NTM: variants seen among roughly 807,000 people sequenced by gnomAD.
NTM encodes neurotrimin, also known as IgLON family member 2.
NTM carries 13 observed loss-of-function variants against 42.1 expected under a neutral mutation model. That is an observed-to-expected ratio of 0.31 (90% CI 0.20 to 0.49). The LOEUF is 0.49. Among genes scored for constraint, NTM ranks in the 20% least tolerant of loss-of-function variants. The probability of loss-of-function intolerance (pLI) is 0.99; values close to 1 mark genes in which losing one functional copy is unlikely to be tolerated. For synonymous variants in NTM, 187 were observed against 179.2 expected (o/e 1.04, Z -0.35); for missense variants, 373 against 452.8 (o/e 0.82, Z 1.60).
intron 4 of NTM, among the ~76,000 whole-genome samples, chr11:132,271,954 C>A (rs1446268781): frequency 6.6e-6 from 1 of 151,962 alleles, no homozygotes; most frequent in Non-Finnish European, 1.5e-5. Flanking sequence ...CAAATCATTT[C>A]CATAGGAAAC....
chr11:132,251,492 C>T (rs3099797), intron 4 of NTM, among the ~76,000 whole-genome samples: 51,985 of 152,080 alleles, frequency 0.34, 9,711 homozygotes, highest in Middle Eastern at 0.5. Flanking sequence ...GTTTAAACCA[C>T]ATCGCACATC....
intron 4 of NTM, among the ~76,000 whole-genome samples, chr11:132,256,434 C>T (rs555195404): frequency 4.6e-5 from 7 of 152,288 alleles, no homozygotes; most frequent in South Asian, 2.1e-4. Flanking sequence ...TTGCACTGTT[C>T]GGCCTCTGCA....
At chr11:132,298,711 CA>C (rs571762200) in intron 4 of NTM, among the ~76,000 whole-genome samples, 28 of 151,240 alleles carry the variant, frequency 1.9e-4, no homozygotes, top group Admixed American at 3.9e-4. Flanking sequence ...ATTTCCCTAT[CA>C]AAAAAAAATT....
At chr11:131,913,324 T>C (rs1047226444) in intron 2 of NTM, among the ~76,000 whole-genome samples, 2 of 148,134 alleles carry the variant, frequency 1.4e-5, no homozygotes, top group Non-Finnish European at 3.0e-5. Flanking sequence ...ATTTTAGATA[T>C]AAATGGGATT....
chr11:132,050,179 G>T (rs1485175176), intron 2 of NTM, among the ~76,000 whole-genome samples: 1 of 152,258 alleles, frequency 6.6e-6, no homozygotes, highest in South Asian at 2.1e-4. Flanking sequence ...AGGTAGGAGG[G>T]ATGAGCTTCT....
intron 2 of NTM, among the ~76,000 whole-genome samples, chr11:131,968,485 C>G (rs547672168): frequency 1.3e-5 from 2 of 152,136 alleles, no homozygotes; most frequent in African/African-American, 2.4e-5. Context: ...TTCTTCCAAT[C>G]GTACCCAGCA....
chr11:132,314,220 GTGAATCGTATTGCTC>G (rs2095363056), intron 6 of NTM, among the ~76,000 whole-genome samples: 1 of 152,036 alleles, frequency 6.6e-6, no homozygotes, highest in South Asian at 2.1e-4. Context: ...CACCTACTGT[GTGAATCGTATTGCTC>G]TGAATGCCAC....
chr11:131,529,110 C>G (rs2050892444), intron 1 of NTM, among the ~76,000 whole-genome samples: 1 of 152,184 alleles, frequency 6.6e-6, no homozygotes, highest in African/African-American at 2.4e-5. Context: ...TTTAGAGAAG[C>G]TGTCATGCAG....
At chr11:132,161,537 C>T (rs1004430137) in intron 3 of NTM, among the ~76,000 whole-genome samples, 1 of 151,986 alleles carries the variant, frequency 6.6e-6, no homozygotes, top group African/African-American at 2.4e-5. Context: ...TCGCCAACCC[C>T]GTTTTTCATG....
intron 2 of NTM, among the ~76,000 whole-genome samples, chr11:131,928,502 CTGTT>C (rs769974915): frequency 2.1e-3 from 316 of 150,790 alleles, no homozygotes; most frequent in African/African-American, 7.1e-3. Context: ...ACTACAAACT[CTGTT>C]TGTTTTCTGT....
intron 4 of NTM, among the ~76,000 whole-genome samples, chr11:132,289,269 TAC>T (rs1268626398): frequency 3.3e-5 from 5 of 152,206 alleles, no homozygotes; most frequent in African/African-American, 1.2e-4. Flanking sequence ...ATTTTTATCT[TAC>T]TAGACTCTAG....
chr11:132,146,817 T>A lies in NTM; in HGVS notation c.400+303T>A, dbSNP rs910213128. The A allele has an allele frequency of 8.0e-6, 3 of 375,992 alleles. No homozygotes were observed. The highest frequency in any genetic ancestry group is 1.4e-5 in the Non-Finnish European group (3 of 210,500). 23.3% of individuals were successfully genotyped at this position (375,992 alleles called of 1,614,324 possible). On this transcript the variant is annotated intron_variant, in intron 3 of 8. Transcript: ENST00000683400. This position sits in a 1 kb window ranked among gnomAD's most constrained non-coding sequence, Gnocchi z 4.5. Reference sequence around the variant, plus strand: ...CCTAAGTTTTAGTTATTTTTGTTTGTTTGTTTTTTGTTTTGTTTTGTTTTG... The same window carrying A: ...CCTAAGTTTTAGTTATTTTTGTTTGATTGTTTTTTGTTTTGTTTTGTTTTG...
At chr11:132,056,675 T>C (rs749581104) in intron 2 of NTM, among the ~76,000 whole-genome samples, 4 of 152,218 alleles carry the variant, frequency 2.6e-5, no homozygotes, top group Non-Finnish European at 5.9e-5. Context: ...CTTCTGTCTT[T>C]TCTTGCTCTT....
At chr11:131,916,818 C>T (rs1381045282) in intron 2 of NTM, among the ~76,000 whole-genome samples, 2 of 152,320 alleles carry the variant, frequency 1.3e-5, no homozygotes, top group East Asian at 3.9e-4. Context: ...TTTCCTTTCA[C>T]TCACTCTGTT....
At position 131,944,424 on chromosome 11, in the gene NTM, T is replaced by C. The variant is rs375336305; in HGVS notation, c.167+32776T>C. On this transcript the variant is annotated intron_variant, in intron 2 of 8. Transcript: ENST00000683400. ...AGGTCACTGCTTCATGCACAAAACA[T>C]AGGGAACACAAGCAGCAGTTTGGAT... Among the ~76,000 whole-genome samples, 141 of 152,262 alleles carry C rather than the reference T, an allele frequency of 9.3e-4. No individual in the cohort carries two copies. In the Middle Eastern group the frequency reaches 0.014, roughly 15 times the overall value.
At chr11:132,148,524 C>T (rs1039111759) in intron 3 of NTM, among the ~76,000 whole-genome samples, 1 of 151,990 alleles carries the variant, frequency 6.6e-6, no homozygotes, top group East Asian at 1.9e-4. Flanking sequence ...GAACTAGGAA[C>T]TATTAGAGAT....
chr11:131,695,206 G>T (rs903879985), intron 1 of NTM, among the ~76,000 whole-genome samples: 1 of 147,450 alleles, frequency 6.8e-6, no homozygotes, highest in South Asian at 2.2e-4. Context: ...TAGGCACTGG[G>T]TTTGTATAAG....
rs868522976 is a variant in NTM, at chr11:131,374,073, G to A, written c.82+3185G>A. Among the ~76,000 whole-genome samples the A allele has an allele frequency of 3.5e-4, 53 of 152,330 alleles. No homozygotes were observed. The Middle Eastern group carries it at 0.01, about 29-fold the overall frequency. ...AGACGAGACCATAGCAATATCTACT[G>A]GCAAAGTGGAAACATCAGCCTGGGA... On this transcript the variant is annotated intron_variant, in intron 1 of 8. Coordinates refer to ENST00000683400, the MANE Select transcript of NTM (RefSeq NM_001352005.2).
chr11:132,049,535 G>A (rs2078549429), intron 2 of NTM, among the ~76,000 whole-genome samples: 1 of 152,182 alleles, frequency 6.6e-6, no homozygotes, highest in African/African-American at 2.4e-5. Flanking sequence ...CTGGCTCTGG[G>A]GTCTCTTGCA....
Sources: gnomAD v4.1 joint callset for allele counts (sites outside exome capture counted in the v4.1 genomes callset) on GRCh38, gnomAD v4.1.1 for gene constraint, Gnocchi (gnomAD v3.1) non-coding constraint, MANE v1.5 for transcripts, NCBI Gene and HGNC (gene_info 2026-07-23, HGNC 2026-07-21) for gene names.